DYNC1H1: variants seen among roughly 807,000 people sequenced by gnomAD.
DYNC1H1 encodes cytoplasmic dynein 1 heavy chain 1.
In DYNC1H1, 51 loss-of-function variants were observed where a neutral mutation model predicts 527.1. That is an observed-to-expected ratio of 0.10 (90% CI 0.08 to 0.12). The LOEUF (loss-of-function observed/expected upper bound fraction) is 0.12. DYNC1H1 is among the 10% of genes least tolerant of loss of function. DYNC1H1 has a pLI of 1.00. For missense variants in DYNC1H1, 2,771 were observed against 5,971.8 expected (o/e 0.46, Z 17.66); for synonymous variants, 2,189 against 2,278.8 (o/e 0.96, Z 1.12).
intron 1 of DYNC1H1, 63 bp from the exon 2 acceptor site, chr14:101,975,649 C>A: frequency 7.0e-7 from 1 of 1,425,648 alleles, no homozygotes; most frequent in Non-Finnish European, 9.9e-7. Context: ...ATTGTCTAAG[C>A]AGTTGATAAA....
Position 101,965,021 on chromosome 14 carries a change from T to A in DYNC1H1, c.256+74T>A. On this transcript the variant is annotated intron_variant, in intron 1 of 77. Coordinates refer to ENST00000360184, the MANE Select transcript of DYNC1H1 (RefSeq NM_001376.5). This position sits in a 1 kb window ranked among gnomAD's most constrained non-coding sequence, Gnocchi z 4.1. ...GCAGGGCCTGCCAGGTCCTCCGGGGTCGCAGATGTCCCCGGGATGGGAGGA... is the reference window on the plus strand; with the variant it reads ...GCAGGGCCTGCCAGGTCCTCCGGGGACGCAGATGTCCCCGGGATGGGAGGA... 6.8e-7 allele frequency: 1 copy of A among 1,468,216 alleles called. No individual in the cohort carries two copies. The highest frequency in any genetic ancestry group is 1.4e-5 in the African/African-American group (1 of 70,690). 90.9% of individuals were successfully genotyped at this position (1,468,216 alleles called of 1,614,324 possible).
Position 101,964,841 on chromosome 14 carries a change from C to T in DYNC1H1, c.150C>T (p.Ala50=), listed in dbSNP as rs372404851. ...LLLEDGGEAP[A]ALEAALEEKS... ...TGGAGGACGGCGGCGAGGCGCCGGC[C>T]GCGCTGGAGGCGGCGCTGGAGGAGA... The change falls in exon 1 of 78, where the codon GCC becomes GCT. Residue 50 remains alanine (A), a synonymous_variant. Transcript: ENST00000360184. The surrounding 1 kb of genome is among the most constrained non-coding windows in gnomAD (Gnocchi z 5.5). 1 of 1,599,272 alleles carries T rather than the reference C, an allele frequency of 6.3e-7. No individual in the cohort carries two copies. The highest frequency in any genetic ancestry group is 1.3e-5 in the African/African-American group (1 of 74,758).
rs948385805 is a variant in DYNC1H1, at chr14:102,038,319, C to A, written c.10909-141C>A. The A allele has an allele frequency of 2.8e-5, 38 of 1,354,900 alleles. No homozygotes were observed. The highest frequency in any genetic ancestry group is 3.7e-5 in the Non-Finnish European group (36 of 978,322). The allele number at this position is 1,354,900 out of a possible 1,614,324, so 83.9% of individuals were successfully genotyped here. On this transcript the variant is annotated intron_variant, in intron 57 of 77. Coordinates refer to ENST00000360184, the MANE Select transcript of DYNC1H1 (RefSeq NM_001376.5). This position sits in a 1 kb window ranked among gnomAD's most constrained non-coding sequence, Gnocchi z 7.2. Reference sequence around the variant, plus strand: ...GTTCATTTAAATGTAAGTAGCCACACATAGCTAGTGGCCACCACACGCAAG... The same window carrying A: ...GTTCATTTAAATGTAAGTAGCCACAAATAGCTAGTGGCCACCACACGCAAG...
intron 43 of DYNC1H1, among the ~76,000 whole-genome samples, chr14:102,025,160 A>AC (rs1296491201): frequency 5.3e-5 from 8 of 150,802 alleles, no homozygotes; most frequent in African/African-American, 1.7e-4. Flanking sequence ...ACGTGGTGAA[A>AC]CCCCGTCTCG....
rs1463717963 is a variant in DYNC1H1, at chr14:101,986,729, G to A, written c.2504G>A (p.Arg835His). The change falls in exon 8 of 78, where the codon CGC (arginine) becomes CAC (histidine). Residue 835 changes from arginine (R) to histidine (H), a missense_variant. Around this residue, in one of 32 missense-constraint regions of DYNC1H1, gnomAD observed 179 missense variants for 349.4 expected, o/e 0.51. Transcript: ENST00000360184. This position sits in a 1 kb window ranked among gnomAD's most constrained non-coding sequence, Gnocchi z 8.7. ...TACAAACTTGACCCATATGTACAGC[G>A]CTTAGCAGAGACTGTCTTCAACTTC... ...ESYKLDPYVQRLAETVFNFQE... is the reference protein window; with the variant it reads ...ESYKLDPYVQHLAETVFNFQE... 9 of 1,614,078 alleles carry A rather than the reference G, an allele frequency of 5.6e-6. No individual in the cohort carries two copies. The highest frequency in any genetic ancestry group is 2.2e-5 in the East Asian group (1 of 44,900).
At chr14:102,006,969 G>T in intron 27 of DYNC1H1, 39 bp from the exon 28 acceptor site, 1 of 1,595,222 alleles carries the variant, frequency 6.3e-7, no homozygotes, top group Non-Finnish European at 8.6e-7. Context: ...TTTCAGTTAG[G>T]TAATGGACTC....
In DYNC1H1 at chr14:101,987,538, C is replaced by T. The variant is rs184868637; in HGVS notation, c.2624C>T (p.Ser875Leu). The change falls in exon 9 of 78, where the codon TCG becomes TTG. Residue 875 changes from serine (S) to leucine (L), a missense_variant. Coordinates refer to ENST00000360184, the MANE Select transcript of DYNC1H1 (RefSeq NM_001376.5). ...ETCMYDHKTF[S>L]EILNRVQKAV... ...TGTATGTATGACCATAAGACATTCTCGGAAATCTTGAACAGAGTCCAGAAA... is the reference window on the plus strand; with the variant it reads ...TGTATGTATGACCATAAGACATTCTTGGAAATCTTGAACAGAGTCCAGAAA... 6.2e-6 allele frequency: 10 copies of T among 1,614,098 alleles called. No individual in the cohort carries two copies. The Admixed American group carries it at 6.7e-5, about 11-fold the overall frequency.
rs1187365462 is a variant in DYNC1H1, at chr14:102,039,385, T to C, written c.11461-27T>C. The C allele has an allele frequency of 1.2e-6, 2 of 1,612,550 alleles. No homozygotes were observed. The highest frequency in any genetic ancestry group is 8.5e-7 in the Non-Finnish European group (1 of 1,178,554). ...TCAGCGGGGTGCCGAGGGAGCTGCC[T>C]CACCGCTGCCCACTGCTTCCTTTCA... On this transcript the variant is annotated intron_variant, in intron 60 of 77. Coordinates refer to ENST00000360184, the MANE Select transcript of DYNC1H1 (RefSeq NM_001376.5). This position sits in a 1 kb window ranked among gnomAD's most constrained non-coding sequence, Gnocchi z 7.0.
chr14:102,007,953 G>A (rs905753725), intron 28 of DYNC1H1, among the ~76,000 whole-genome samples: 6 of 152,216 alleles, frequency 3.9e-5, no homozygotes, highest in African/African-American at 9.6e-5. Context: ...TGCAGGGAGA[G>A]CGCTCTGGTT....
Position 102,016,751 on chromosome 14 carries a change from C to T in DYNC1H1, c.7615-15C>T, listed in dbSNP as rs565554004. On this transcript the variant is annotated splice_polypyrimidine_tract_variant and intron_variant, in intron 37 of 77. Transcript: ENST00000360184. This position sits in a 1 kb window ranked among gnomAD's most constrained non-coding sequence, Gnocchi z 7.3. ...TTGGTTGCAGCCGGACTCACACTTCCATCTCCGTGTGTAGGTGTCCATCAG... is the reference window on the plus strand; with the variant it reads ...TTGGTTGCAGCCGGACTCACACTTCTATCTCCGTGTGTAGGTGTCCATCAG... 20 of 1,612,496 alleles carry T rather than the reference C, an allele frequency of 1.2e-5. No individual in the cohort carries two copies. The East Asian group carries it at 4.2e-4, about 34-fold the overall frequency.
intron 57 of DYNC1H1, chr14:102,037,553 A>G (rs2048592638): frequency 6.6e-6 from 1 of 152,236 alleles, no homozygotes; most frequent in Non-Finnish European, 1.5e-5. Flanking sequence ...CAGAAAACCA[A>G]GTACCAGATG....
chr14:101,972,013 T>C (rs1229531699), intron 1 of DYNC1H1, among the ~76,000 whole-genome samples: 2 of 152,206 alleles, frequency 1.3e-5, no homozygotes, highest in African/African-American at 2.4e-5. Flanking sequence ...AGTATTGGTC[T>C]GTTACATTTT....
chr14:102,043,762 A>G, intron 69 of DYNC1H1, 113 bp from the exon 70 acceptor site: 6 of 1,463,790 alleles, frequency 4.1e-6, no homozygotes, highest in Middle Eastern at 1.9e-4. Context: ...ATCTGCTGCC[A>G]TCGTCAGGAT....
chr14:101,971,422 T>C (rs1458099667), intron 1 of DYNC1H1, among the ~76,000 whole-genome samples: 1 of 151,580 alleles, frequency 6.6e-6, no homozygotes, highest in Non-Finnish European at 1.5e-5. Flanking sequence ...GTTTTTGTAT[T>C]CCATTAAACA....
At position 101,986,671 on chromosome 14, in the gene DYNC1H1, A is replaced by G. The variant is rs986169838; in HGVS notation, c.2446A>G (p.Ile816Val). Reference protein sequence around the residue: ...AGLKKEVQALIAEGIALVWES... With the variant: ...AGLKKEVQALVAEGIALVWES... ...CTTGAAAAAGGAAGTGCAGGCCCTGATCGCAGAAGGCATTGCGTTGGTGTG... is the reference window on the plus strand; with the variant it reads ...CTTGAAAAAGGAAGTGCAGGCCCTGGTCGCAGAAGGCATTGCGTTGGTGTG... Residue 816 changes from isoleucine to valine, a missense_variant, in exon 8 of 78, where the codon ATC becomes GTC. Physicochemically the swap from Ile to Val is conservative, Grantham distance 29. Around this residue, in one of 32 missense-constraint regions of DYNC1H1, gnomAD observed 24 missense variants for 19.0 expected, o/e 1.26. Transcript: ENST00000360184. The surrounding 1 kb of genome is among the most constrained non-coding windows in gnomAD (Gnocchi z 8.7). 14 of 1,614,080 alleles carry G rather than the reference A, an allele frequency of 8.7e-6. No homozygotes were observed. The highest frequency in any genetic ancestry group is 1.1e-5 in the Non-Finnish European group (13 of 1,179,918).
chr14:101,984,399 A>ATGTGTG (rs1357179017), intron 7 of DYNC1H1, among the ~76,000 whole-genome samples: 25 of 87,536 alleles, frequency 2.9e-4, no homozygotes, highest in African/African-American at 9.2e-4. Flanking sequence ...ATATGCGTAT[A>ATGTGTG]TATGTGTGTG....
rs905484310 is a variant in DYNC1H1, at chr14:102,050,701, G to C, written c.*138G>C. The stretch of plus-strand genomic sequence containing the variant: ...TGGAGGAAGCTGAATGGAATCTGAC[G>C]GTTGGGAGTGGTGGAAATTGGAAGG... On this transcript the variant is annotated 3_prime_UTR_variant, in exon 78 of 78. Coordinates refer to ENST00000360184, the MANE Select transcript of DYNC1H1 (RefSeq NM_001376.5). The C allele has an allele frequency of 7.3e-7, 1 of 1,370,902 alleles. No individual in the cohort carries two copies. The allele number at this position is 1,370,902 out of a possible 1,614,324, so 84.9% of individuals were successfully genotyped here.
chr14:102,011,768 T>C lies in DYNC1H1; in HGVS notation c.6619-107T>C. Reference sequence around the variant, plus strand: ...CTCCGTTTCAGGAAAAAAAAAAAAATCCACACATAATGTTTCTTGCTCACT... The same window carrying C: ...CTCCGTTTCAGGAAAAAAAAAAAAACCCACACATAATGTTTCTTGCTCACT... On this transcript the variant is annotated intron_variant, in intron 32 of 77. Coordinates refer to ENST00000360184, the MANE Select transcript of DYNC1H1 (RefSeq NM_001376.5). This position sits in a 1 kb window ranked among gnomAD's most constrained non-coding sequence, Gnocchi z 5.3. 8.5e-7 allele frequency: 1 copy of C among 1,179,410 alleles called. No homozygotes were observed. Among genetic ancestry groups the C allele is most frequent in the Non-Finnish European group, 1.2e-6 (1 of 812,588 alleles). 73.1% of individuals were successfully genotyped at this position (1,179,410 alleles called of 1,614,324 possible). A position where few individuals can be genotyped will look rare whatever the true frequency, so the allele number is the denominator to read the frequency against.
intron 11 of DYNC1H1, among the ~76,000 whole-genome samples, chr14:101,992,573 GT>G (rs1266077924): frequency 1.3e-5 from 2 of 152,072 alleles, no homozygotes; most frequent in Non-Finnish European, 2.9e-5. Flanking sequence ...CCTCACTCTC[GT>G]TTAGCTGTTC....
Sources: allele counts gnomAD v4.1 joint callset (sites outside exome capture counted in the v4.1 genomes callset), GRCh38; gene constraint gnomAD v4.1.1; regional missense constraint gnomAD v4.1.1; non-coding constraint Gnocchi (gnomAD v3.1); transcripts MANE v1.5; gene names NCBI Gene and HGNC (gene_info 2026-07-23, HGNC 2026-07-21).